Variants in PDE4D observed in about 807,000 individuals in gnomAD.
The protein encoded by PDE4D is phosphodiesterase 4D, also known as 3',5'-cyclic-AMP phosphodiesterase 4D.
A neutral mutation model predicts 87.4 loss-of-function variants in PDE4D; 24 were observed. The ratio of observed to expected loss-of-function variants is 0.27; its 90% CI spans 0.20 to 0.39. The LOEUF is 0.39. Ranked by LOEUF, PDE4D falls within the 10% of genes least tolerant of loss-of-function variation. The pLI is 1.00. For synonymous variants in PDE4D, 384 were observed against 383.2 expected (o/e 1.00, Z -0.02); for missense variants, 714 against 1,041.0 (o/e 0.69, Z 4.32).
intron 3 of PDE4D, among the ~76,000 whole-genome samples, chr5:59,944,749 C>T (rs2963807): frequency 0.13 from 19,261 of 152,172 alleles, 3,879 homozygotes; most frequent in African/African-American, 0.42. Context: ...GCACTAACCC[C>T]TCATGGACTT....
At chr5:59,570,817 T>C (rs1217556391) in intron 1 of PDE4D, among the ~76,000 whole-genome samples, 4 of 152,146 alleles carry the variant, frequency 2.6e-5, no homozygotes, top group African/African-American at 9.7e-5. Context: ...AGCTATAAAA[T>C]TTGTGGATCA....
chr5:60,033,307 A>G (rs546444111), intron 2 of PDE4D, among the ~76,000 whole-genome samples: 1 of 152,302 alleles, frequency 6.6e-6, no homozygotes, highest in Admixed American at 6.5e-5. Flanking sequence ...GTGTCTGATA[A>G]CTACCTCATA....
chr5:60,294,056 G>A (rs1753163271), intron 1 of PDE4D, among the ~76,000 whole-genome samples: 1 of 152,142 alleles, frequency 6.6e-6, no homozygotes. Flanking sequence ...ATCAACAAGT[G>A]TAAGAGTTCA....
At chr5:60,247,128 C>T (rs557519852) in intron 1 of PDE4D, among the ~76,000 whole-genome samples, 10 of 152,046 alleles carry the variant, frequency 6.6e-5, no homozygotes, top group African/African-American at 2.4e-4. Flanking sequence ...AAGGTCACAA[C>T]TTTGTACTGA....
chr5:59,039,707 C>G (rs548348220), intron 5 of PDE4D: 1 of 185,172 alleles, frequency 5.4e-6, no homozygotes, highest in Admixed American at 6.5e-5. Context: ...TCCTTCCCCT[C>G]GAGCTCTGCC....
At chr5:59,297,597 A>C (rs953104331) in intron 1 of PDE4D, among the ~76,000 whole-genome samples, 18 of 152,124 alleles carry the variant, frequency 1.2e-4, no homozygotes, top group African/African-American at 4.3e-4. Flanking sequence ...TACCTACTAA[A>C]GTAAAGTTTC....
rs578253858 is a variant in PDE4D, at chr5:60,108,122, C to A, written c.42+77435G>T. On this transcript the variant is annotated intron_variant, in intron 2 of 16. Transcript: ENST00000502484. Reference sequence around the variant, plus strand: ...TATCTAGAAAACCCCATCGTCTCAGCCCAAAATCTCCTTAAGCTGATAAGC... The same window carrying A: ...TATCTAGAAAACCCCATCGTCTCAGACCAAAATCTCCTTAAGCTGATAAGC... Among the ~76,000 whole-genome samples, 6 of 151,818 alleles carry A rather than the reference C, an allele frequency of 4.0e-5. No homozygotes were observed. In the South Asian group the frequency reaches 1.0e-3, roughly 26 times the overall value.
chr5:59,289,376 A>C (rs973797559), intron 1 of PDE4D, among the ~76,000 whole-genome samples: 1 of 152,032 alleles, frequency 6.6e-6, no homozygotes, highest in African/African-American at 2.4e-5. Context: ...AAAAGCAAAA[A>C]ATTAAAACAC....
At chr5:59,993,549 A>G (rs1225663913) in intron 2 of PDE4D, among the ~76,000 whole-genome samples, 1 of 152,166 alleles carries the variant, frequency 6.6e-6, no homozygotes, top group African/African-American at 2.4e-5. Context: ...CAATAATATC[A>G]AAACAAAACA....
At chr5:59,634,612 C>A (rs890694094) in intron 1 of PDE4D, among the ~76,000 whole-genome samples, 2 of 151,976 alleles carry the variant, frequency 1.3e-5, no homozygotes, top group African/African-American at 4.8e-5. Flanking sequence ...CATGGAAAAT[C>A]AAAAAACCTG....
At chr5:59,539,852 G>A (rs113093202) in intron 1 of PDE4D, among the ~76,000 whole-genome samples, 280 of 151,646 alleles carry the variant, frequency 1.8e-3, no homozygotes, top group African/African-American at 6.4e-3. Flanking sequence ...ACACACACAC[G>A]AACTATGAAT....
In PDE4D at chr5:59,183,135, C is replaced by A; in HGVS notation, c.758+2054G>T. 2.0e-5 allele frequency among the ~76,000 whole-genome samples: 3 copies of A among 152,230 alleles called. No individual in the cohort carries two copies. The East Asian group carries it at 5.8e-4, about 29-fold the overall frequency. On this transcript the variant is annotated intron_variant, in intron 4 of 14. Transcript: ENST00000340635. ...CTCACTGAACAGAATCGAGTTTAGC[C>A]GTGAATAGATTGAATCCTACTATTC...
At chr5:60,472,498 C>T (rs969099606) in intron 1 of PDE4D, among the ~76,000 whole-genome samples, 3 of 152,142 alleles carry the variant, frequency 2.0e-5, no homozygotes, top group South Asian at 2.1e-4. Flanking sequence ...CCTTGCACTT[C>T]GATTCTCTTT....
At chr5:59,009,623 T>C (rs1352799359) in intron 6 of PDE4D, among the ~76,000 whole-genome samples, 1 of 152,002 alleles carries the variant, frequency 6.6e-6, no homozygotes, top group African/African-American at 2.4e-5. Flanking sequence ...AGAAAACTTT[T>C]TGGGTGGTAT....
Position 58,990,888 on chromosome 5 carries a change from C to T in PDE4D, c.1203G>A (p.Val401=). The change falls in exon 9 of 15, where the codon GTG becomes GTA. Residue 401 remains valine (V), a synonymous_variant. Transcript: ENST00000340635. Reference sequence around the variant, plus strand: ...TGAAAACATGAAGACCCCATTTGTTCACATCTTCTAGTTCCTGGAGTGAAA... The same window carrying T: ...TGAAAACATGAAGACCCCATTTGTTTACATCTTCTAGTTCCTGGAGTGAAA... ...EDVLAKELED[V]NKWGLHVFRI... The T allele has an allele frequency of 6.4e-7, 1 of 1,567,864 alleles. No homozygotes were observed. Among genetic ancestry groups the T allele is most frequent in the Non-Finnish European group, 8.7e-7 (1 of 1,145,644 alleles).
At chr5:59,408,540 T>C (rs1483590107) in intron 1 of PDE4D, among the ~76,000 whole-genome samples, 1 of 152,134 alleles carries the variant, frequency 6.6e-6, no homozygotes, top group Non-Finnish European at 1.5e-5. Context: ...CTAGTGGAAC[T>C]GTGGGAAGGA....
At chr5:59,789,670 C>T (rs1189141944) in intron 1 of PDE4D, among the ~76,000 whole-genome samples, 1 of 152,140 alleles carries the variant, frequency 6.6e-6, no homozygotes, top group Non-Finnish European at 1.5e-5. Flanking sequence ...GCATTTTAAT[C>T]TAAGATAAAA....
At chr5:59,821,276 A>ACAACAACAACAG (rs70975338) in intron 1 of PDE4D, among the ~76,000 whole-genome samples, 1 of 149,544 alleles carries the variant, frequency 6.7e-6, no homozygotes, top group Non-Finnish European at 1.5e-5. Context: ...AACAACAACA[A>ACAACAACAACAG]AAGAAAAAGA....
At chr5:60,035,346 T>G (rs1038379385) in intron 2 of PDE4D, among the ~76,000 whole-genome samples, 1 of 152,208 alleles carries the variant, frequency 6.6e-6, no homozygotes, top group Non-Finnish European at 1.5e-5. Flanking sequence ...CCAGGTATTT[T>G]GCATTCATTA....
Sources: allele counts gnomAD v4.1 joint callset (sites outside exome capture counted in the v4.1 genomes callset), GRCh38; gene constraint gnomAD v4.1.1; transcripts MANE v1.5; gene names NCBI Gene and HGNC (gene_info 2026-07-23, HGNC 2026-07-21).